Variants in ALOX12 observed in about 807,000 individuals in gnomAD.
ALOX12 encodes the protein polyunsaturated fatty acid lipoxygenase ALOX12.
A neutral mutation model predicts 85.5 loss-of-function variants in ALOX12; 62 were observed. The ratio of observed to expected loss-of-function variants is 0.73; its 90% confidence interval spans 0.59 to 0.90. ALOX12 has a LOEUF of 0.90. Among genes scored for constraint, ALOX12 ranks in the 40% least tolerant of loss-of-function variants. The pLI is 0.00. For synonymous variants in ALOX12, 299 were observed against 332.7 expected (o/e 0.90, Z 1.10); for missense variants, 751 against 856.5 (o/e 0.88, Z 1.54).
chr17:6,996,802 C>A, intron 1 of ALOX12, 24 bp from the exon 2 acceptor site: 1 of 1,596,432 alleles, frequency 6.3e-7, no homozygotes, highest in South Asian at 1.1e-5. Context: ...CCTACTAAGT[C>A]TGGCCTGGGT....
chr17:7,003,387 G>A (rs1908808837), intron 8 of ALOX12, among the ~76,000 whole-genome samples: 1 of 152,130 alleles, frequency 6.6e-6, no homozygotes, highest in South Asian at 2.1e-4. Context: ...TGACTTAATG[G>A]TGTGACACAA....
At position 6,998,807 on chromosome 17, in the gene ALOX12, G is replaced by A; in HGVS notation, c.512G>A (p.Arg171Lys). 2 of 1,614,248 alleles carry A rather than the reference G, an allele frequency of 1.2e-6. No individual in the cohort carries two copies. The highest frequency in any genetic ancestry group is 1.7e-6 in the Non-Finnish European group (2 of 1,180,044). Residue 171 changes from arginine to lysine, a missense_variant, in exon 4 of 14, where the codon AGG becomes AAG. Coordinates refer to ENST00000251535, the MANE Select transcript of ALOX12 (RefSeq NM_000697.3). ...AATATGAGATTCCATGAGGAGAAGAGGCTGGACTTTGAATGGACACTGAAG... is the reference window on the plus strand; with the variant it reads ...AATATGAGATTCCATGAGGAGAAGAAGCTGGACTTTGAATGGACACTGAAG... ...PPNMRFHEEKRLDFEWTLKAG... is the reference protein window; with the variant it reads ...PPNMRFHEEKKLDFEWTLKAG...
chr17:7,006,258 T>G (rs979040861), intron 10 of ALOX12, among the ~76,000 whole-genome samples: 5 of 151,764 alleles, frequency 3.3e-5, no homozygotes, highest in Non-Finnish European at 7.4e-5. Flanking sequence ...GGGAGGTGTC[T>G]GGAAAAATCA....
intron 11 of ALOX12, 100 bp downstream of exon 11, chr17:7,006,707 C>T (rs1289186919): frequency 2.3e-5 from 33 of 1,438,830 alleles, no homozygotes; most frequent in Middle Eastern, 1.9e-4. Context: ...CCTCTCATCA[C>T]GCCTCCCTTC....
chr17:6,998,294 AG>A (rs1411637339), intron 2 of ALOX12, among the ~76,000 whole-genome samples: 1 of 152,178 alleles, frequency 6.6e-6, no homozygotes, highest in Admixed American at 6.5e-5. Flanking sequence ...CTACAGGCAA[AG>A]GATGAGGGCT....
Position 6,996,271 on chromosome 17 carries a change from G to A in ALOX12, c.135+19G>A, listed in dbSNP as rs1262151812. On this transcript the variant is annotated intron_variant, in intron 1 of 13. Coordinates refer to ENST00000251535, the MANE Select transcript of ALOX12 (RefSeq NM_000697.3). Reference sequence around the variant, plus strand: ...GGGCGAGGTCAGCGCGGGGAGCGAGGGGAGCTAGGGCAGCGGGGACCCCGG... The same window carrying A: ...GGGCGAGGTCAGCGCGGGGAGCGAGAGGAGCTAGGGCAGCGGGGACCCCGG... 2 of 1,229,208 alleles carry A rather than the reference G, an allele frequency of 1.6e-6. No homozygotes were observed. The highest frequency in any genetic ancestry group is 1.6e-5 in the African/African-American group (1 of 63,512). 76.1% of individuals were successfully genotyped at this position (1,229,208 alleles called of 1,614,324 possible).
At position 7,000,577 on chromosome 17, in the gene ALOX12, CCTCA is replaced by C. The variant is rs1426578139; in HGVS notation, c.951+103_951+106del. 1.4e-6 allele frequency: 2 copies of C among 1,414,158 alleles called. No individual in the cohort carries two copies. The highest frequency in any genetic ancestry group is 2.8e-5 in the African/African-American group (2 of 70,316). 87.6% of individuals were successfully genotyped at this position (1,414,158 alleles called of 1,614,324 possible). A position where few individuals can be genotyped will look rare whatever the true frequency, so the allele number is the denominator to read the frequency against. On this transcript the variant is annotated intron_variant, in intron 7 of 13. Transcript: ENST00000251535. This position sits in a 1 kb window ranked among gnomAD's most constrained non-coding sequence, Gnocchi z 4.6. ...CCAGCTCTTGGCTCCCAAACCCCAT[CCTCA>C]CTCAGTGAGACTTGTCTTCATGTCA...
At chr17:7,005,472 G>GTAT in intron 9 of ALOX12, 129 bp downstream of exon 9, 1 of 322,428 alleles carries the variant, frequency 3.1e-6, no homozygotes, top group Non-Finnish European at 5.4e-6. Flanking sequence ...TTATACCCAT[G>GTAT]TCTTTTTTTT....
intron 6 of ALOX12, among the ~76,000 whole-genome samples, chr17:6,999,895 T>C (rs1908625866): frequency 6.6e-6 from 1 of 152,168 alleles, no homozygotes; most frequent in Non-Finnish European, 1.5e-5. Flanking sequence ...GTGTGTGCTG[T>C]ATGCGGTGGC....
intron 11 of ALOX12, among the ~76,000 whole-genome samples, chr17:7,008,815 C>A (rs973962032): frequency 6.6e-6 from 1 of 152,098 alleles, no homozygotes; most frequent in African/African-American, 2.4e-5. Flanking sequence ...ACTGAGATAA[C>A]CTTTGTGGGA....
intron 5 of ALOX12, 100 bp from the exon 6 acceptor site, chr17:6,999,206 G>C (rs1460917965): frequency 1.0e-4 from 161 of 1,533,380 alleles, no homozygotes; most frequent in South Asian, 1.3e-4. Context: ...CGCAGAAGCT[G>C]GGTTCAGGGA....
chr17:7,003,453 T>G (rs987122120), intron 8 of ALOX12, among the ~76,000 whole-genome samples: 42 of 152,062 alleles, frequency 2.8e-4, no homozygotes, highest in Admixed American at 3.9e-4. Context: ...CAGAGACAAG[T>G]TCTCACTCTG....
At position 7,010,337 on chromosome 17, in the gene ALOX12, A is replaced by G; in HGVS notation, c.1906A>G (p.Lys636Glu). The G allele has an allele frequency of 1.2e-6, 2 of 1,614,246 alleles. No individual in the cohort carries two copies. The highest frequency in any genetic ancestry group is 1.7e-6 in the Non-Finnish European group (2 of 1,180,046). The change falls in exon 14 of 14, where the codon AAG (lysine) becomes GAG (glutamate). Residue 636 changes from lysine (K) to glutamate (E), a missense_variant. By Grantham distance (56) the Lys-to-Glu change is moderately conservative. Transcript: ENST00000251535. ...CCGAACAGATTTGGAAAAGCTGGAAAAGGAGATTACAGCCCGGAATGAGCA... is the reference window on the plus strand; with the variant it reads ...CCGAACAGATTTGGAAAAGCTGGAAGAGGAGATTACAGCCCGGAATGAGCA... ...QFRTDLEKLEKEITARNEQLD... is the reference protein window; with the variant it reads ...QFRTDLEKLEEEITARNEQLD...
chr17:6,997,102 AC>A (rs1908486047), intron 2 of ALOX12, 75 bp downstream of exon 2: 6 of 1,470,950 alleles, frequency 4.1e-6, no homozygotes, highest in Non-Finnish European at 5.4e-6. Context: ...AGAGTTAAGG[AC>A]GGTCGGAGCA....
intron 8 of ALOX12, among the ~76,000 whole-genome samples, chr17:7,004,757 C>T (rs1312255947): frequency 1.3e-5 from 2 of 152,042 alleles, no homozygotes; most frequent in East Asian, 3.9e-4. Context: ...GGAGATGCAG[C>T]TTTGATCATA....
At chr17:7,002,348 GA>G in intron 8 of ALOX12, 1 of 371,770 alleles carries the variant, frequency 2.7e-6, no homozygotes, top group Non-Finnish European at 5.4e-6. Flanking sequence ...TGACAGGAAT[GA>G]AAAGGAAAGA....
intron 8 of ALOX12, among the ~76,000 whole-genome samples, chr17:7,003,210 C>T (rs1256579076): frequency 6.6e-6 from 1 of 152,222 alleles, no homozygotes; most frequent in African/African-American, 2.4e-5. Flanking sequence ...CCCCAGCGGA[C>T]AGCTGAGTTG....
At position 6,998,701 on chromosome 17, in the gene ALOX12, T is replaced by A; in HGVS notation, c.420-14T>A. ...CCATGACATCCTTCCTGAAGCTTTGTCCCCAACTCCTAGCTGGGCCACCTG... is the reference window on the plus strand; with the variant it reads ...CCATGACATCCTTCCTGAAGCTTTGACCCCAACTCCTAGCTGGGCCACCTG... On this transcript the variant is annotated splice_polypyrimidine_tract_variant and intron_variant, in intron 3 of 13. Transcript: ENST00000251535. The A allele has an allele frequency of 6.2e-7, 1 of 1,613,708 alleles. No homozygotes were observed. Among genetic ancestry groups the A allele is most frequent in the Non-Finnish European group, 8.5e-7 (1 of 1,179,900 alleles).
intron 1 of ALOX12, 34 bp downstream of exon 1, chr17:6,996,286 G>C: frequency 4.1e-6 from 5 of 1,223,306 alleles, no homozygotes; most frequent in Non-Finnish European, 5.1e-6. Context: ...CTAGGGCAGC[G>C]GGGACCCCGG....
Sources: allele counts gnomAD v4.1 joint callset (sites outside exome capture counted in the v4.1 genomes callset), GRCh38; gene constraint gnomAD v4.1.1; non-coding constraint Gnocchi (gnomAD v3.1); transcripts MANE v1.5; gene names NCBI Gene and HGNC (gene_info 2026-07-23, HGNC 2026-07-21).